Variants in SLC12A2 observed in about 807,000 individuals in gnomAD.
SLC12A2 encodes solute carrier family 12 member 2.
Under a neutral mutation model 136.3 loss-of-function variants are expected in SLC12A2, and 67 were observed. The ratio of observed to expected loss-of-function variants is 0.49; its 90% CI spans 0.40 to 0.60. The LOEUF (loss-of-function observed/expected upper bound fraction) is 0.60. SLC12A2 is among the 20% of genes least tolerant of loss of function. The pLI, the probability that SLC12A2 is intolerant of heterozygous loss-of-function variation, is 0.00. For missense variants in SLC12A2, 1,322 were observed against 1,534.7 expected (o/e 0.86, Z 2.32); for synonymous variants, 619 against 562.9 (o/e 1.10, Z -1.41).
chr5:128,094,517 A>T (rs1760451040), intron 1 of SLC12A2, among the ~76,000 whole-genome samples: 1 of 151,906 alleles, frequency 6.6e-6, no homozygotes, highest in Non-Finnish European at 1.5e-5. Flanking sequence ...CTACAGTTTA[A>T]TACTGCATAA....
At chr5:128,106,819 T>C (rs573605833) in intron 1 of SLC12A2, among the ~76,000 whole-genome samples, 8 of 152,340 alleles carry the variant, frequency 5.3e-5, no homozygotes, top group Non-Finnish European at 8.8e-5. Context: ...GCCTGCATAC[T>C]TTTGCATTGT....
intron 1 of SLC12A2, among the ~76,000 whole-genome samples, chr5:128,101,570 A>G (rs887973600): frequency 2.0e-5 from 3 of 152,208 alleles, no homozygotes; most frequent in South Asian, 4.1e-4. Context: ...ACACTTTTGT[A>G]TGTTAACAGT....
intron 4 of SLC12A2, among the ~76,000 whole-genome samples, chr5:128,128,523 C>G (rs906534910): frequency 1.4e-4 from 22 of 151,906 alleles, no homozygotes; most frequent in African/African-American, 5.1e-4. Flanking sequence ...TTAGCGATAA[C>G]AGAAAGGCTG....
At chr5:128,155,048 G>C (rs1408384025) in intron 15 of SLC12A2, among the ~76,000 whole-genome samples, 1 of 151,856 alleles carries the variant, frequency 6.6e-6, no homozygotes, top group Non-Finnish European at 1.5e-5. Context: ...TAAAATAAGA[G>C]TTGCTTGAAC....
intron 7 of SLC12A2, among the ~76,000 whole-genome samples, chr5:128,136,307 G>A (rs964791813): frequency 2.0e-5 from 3 of 152,128 alleles, no homozygotes; most frequent in African/African-American, 4.8e-5. Context: ...TGTCAGGAAC[G>A]TAAGTGAACC....
intron 20 of SLC12A2, among the ~76,000 whole-genome samples, chr5:128,175,595 G>A: frequency 6.6e-6 from 1 of 151,966 alleles, no homozygotes; most frequent in East Asian, 1.9e-4. Flanking sequence ...GGGAGGGTAA[G>A]AAGAAATACA....
In SLC12A2 at chr5:128,112,925, G is replaced by A; in HGVS notation, c.868G>A (p.Gly290Ser). Residue 290 changes from glycine (G) to serine (S), a missense_variant, in exon 2 of 27, where the codon GGT becomes AGT. Transcript: ENST00000262461. ...KGVVKFGWIK[G>S]VLVRCMLNIW... is the part of the protein sequence containing the mutation. ...AGTCGTGAAGTTTGGCTGGATCAAG[G>A]GTGTATTAGTATGTATATATAGACT... 1.2e-6 allele frequency: 2 copies of A among 1,609,830 alleles called. No individual in the cohort carries two copies. The highest frequency in any genetic ancestry group is 8.5e-7 in the Non-Finnish European group (1 of 1,178,374).
At chr5:128,146,262 T>C (rs1342216962) in intron 10 of SLC12A2, among the ~76,000 whole-genome samples, 1 of 151,886 alleles carries the variant, frequency 6.6e-6, no homozygotes, top group African/African-American at 2.4e-5. Context: ...TGAAATACTG[T>C]TATTTAAATA....
chr5:128,099,325 A>G (rs962211149), intron 1 of SLC12A2, among the ~76,000 whole-genome samples: 2 of 152,180 alleles, frequency 1.3e-5, no homozygotes, highest in African/African-American at 4.8e-5. Context: ...AAACCTAAAC[A>G]GTAAAAATAC....
intron 6 of SLC12A2, 68 bp downstream of exon 6, chr5:128,134,343 A>G (rs573172752): frequency 4.9e-6 from 4 of 824,328 alleles, no homozygotes; most frequent in East Asian, 4.9e-5. Context: ...TTTTGGGAAC[A>G]CTCTGAAGTA....
At chr5:128,120,872 TAAAA>T (rs1441676743) in intron 4 of SLC12A2, among the ~76,000 whole-genome samples, 4 of 150,246 alleles carry the variant, frequency 2.7e-5, no homozygotes, top group African/African-American at 5.0e-5. Context: ...TAATAATAAA[TAAAA>T]TAAATAAAAA....
At chr5:128,119,375 C>T (rs979712506) in intron 4 of SLC12A2, among the ~76,000 whole-genome samples, 1 of 152,028 alleles carries the variant, frequency 6.6e-6, no homozygotes, top group Admixed American at 6.6e-5. Flanking sequence ...TTCAAAGAGC[C>T]CCATTTTAAA....
chr5:128,181,860 C>T (rs1221211733), intron 23 of SLC12A2, among the ~76,000 whole-genome samples: 1 of 152,068 alleles, frequency 6.6e-6, no homozygotes, highest in Non-Finnish European at 1.5e-5. Flanking sequence ...ACTTGCCTCT[C>T]CTTTTATCTC....
In SLC12A2 at chr5:128,084,857, G is replaced by C. The variant is rs542691603; in HGVS notation, c.756+147G>C. The C allele has an allele frequency of 2.6e-5, 25 of 978,346 alleles. No individual in the cohort carries two copies. In the African/African-American group the frequency reaches 3.4e-4, roughly 13 times the overall value. 60.6% of individuals were successfully genotyped at this position (978,346 alleles called of 1,614,324 possible). A position where few individuals can be genotyped will look rare whatever the true frequency, so the allele number is the denominator to read the frequency against. On this transcript the variant is annotated intron_variant, in intron 1 of 26. Coordinates refer to ENST00000262461, the MANE Select transcript of SLC12A2 (RefSeq NM_001046.3). This position sits in a 1 kb window ranked among gnomAD's most constrained non-coding sequence, Gnocchi z 5.6. ...TCTCTGGATTCAGCTGTCAAGGGTG[G>C]AATTGCCGAGGAATGTTAACTTAAT...
chr5:128,119,836 A>G (rs1761488189), intron 4 of SLC12A2, among the ~76,000 whole-genome samples: 1 of 152,238 alleles, frequency 6.6e-6, no homozygotes, highest in Admixed American at 6.5e-5. Context: ...AGCAATGACA[A>G]CAAAAGCCAA....
At chr5:128,166,725 A>T (rs530641313) in intron 17 of SLC12A2, among the ~76,000 whole-genome samples, 1 of 152,228 alleles carries the variant, frequency 6.6e-6, no homozygotes, top group African/African-American at 2.4e-5. Context: ...GTTTAGAAAT[A>T]GATAGTAGTG....
intron 15 of SLC12A2, among the ~76,000 whole-genome samples, chr5:128,155,229 A>T (rs959795915): frequency 2.0e-5 from 3 of 152,220 alleles, no homozygotes; most frequent in African/African-American, 7.2e-5. Flanking sequence ...AATTTAAAAC[A>T]TGAATTGTGT....
intron 1 of SLC12A2, among the ~76,000 whole-genome samples, chr5:128,101,535 A>G (rs1328998380): frequency 1.3e-5 from 2 of 152,164 alleles, no homozygotes; most frequent in South Asian, 2.1e-4. Flanking sequence ...TAAATCAACA[A>G]TAAGCTACTT....
Position 128,138,822 on chromosome 5 carries a change from A to G in SLC12A2, c.1537-2A>G. 1 of 1,610,770 alleles carries G rather than the reference A, an allele frequency of 6.2e-7. No homozygotes were observed. The highest frequency in any genetic ancestry group is 8.5e-7 in the Non-Finnish European group (1 of 1,178,438). ...ACTTTAAAAAATCTTCTTGTCTTCT[A>G]GGATCCTCAGTCAGCCATACCCAAA... On this transcript the variant is annotated splice_acceptor_variant, in intron 8 of 26. Coordinates refer to ENST00000262461, the MANE Select transcript of SLC12A2 (RefSeq NM_001046.3). LOFTEE classifies it high-confidence loss of function.
Sources: gnomAD v4.1 joint callset for allele counts (sites outside exome capture counted in the v4.1 genomes callset) on GRCh38, gnomAD v4.1.1 for gene constraint, Gnocchi (gnomAD v3.1) non-coding constraint, MANE v1.5 for transcripts, NCBI Gene and HGNC (gene_info 2026-07-23, HGNC 2026-07-21) for gene names.